The following SH3GL3 variants were observed in gnomAD, a reference collection of about 807,000 sequenced individuals.
SH3GL3 encodes the protein endophilin-A3.
Under a neutral mutation model 47.7 loss-of-function variants are expected in SH3GL3, and 33 were observed. The observed-to-expected ratio is 0.69, with a 90% CI of 0.52 to 0.92. SH3GL3 has a LOEUF of 0.92. Ranked by LOEUF, SH3GL3 falls within the 40% of genes least tolerant of loss-of-function variation. The pLI is 0.00. For synonymous variants in SH3GL3, 155 were observed against 148.8 expected, an observed-to-expected ratio of 1.04 and a Z score of -0.30; for missense variants, 363 against 417.8, an observed-to-expected ratio of 0.87 and a Z score of 1.14.
intron 1 of SH3GL3, among the ~76,000 whole-genome samples, chr15:83,504,545 G>A (rs1333981022): frequency 6.6e-6 from 1 of 152,236 alleles, no homozygotes; most frequent in Non-Finnish European, 1.5e-5. Flanking sequence ...GGGGAAGCCA[G>A]TTGCCATGTC....
At chr15:83,616,251 C>CTT (rs10661412) in intron 8 of SH3GL3, among the ~76,000 whole-genome samples, 18,575 of 114,070 alleles carry the variant, frequency 0.16, 2,517 homozygotes, top group East Asian at 0.27. Context: ...ATTGTGATTG[C>CTT]TTTTTTTTTT....
At chr15:83,572,745 G>A (rs1173641413) in intron 5 of SH3GL3, 47 bp downstream of exon 5, 42 of 1,396,692 alleles carry the variant, frequency 3.0e-5, no homozygotes, top group Non-Finnish European at 4.2e-5. Context: ...ATAAGATGAT[G>A]TTTATATTTA....
intron 1 of SH3GL3, among the ~76,000 whole-genome samples, chr15:83,525,105 AT>A (rs2043359192): frequency 6.6e-6 from 1 of 152,146 alleles, no homozygotes; most frequent in Admixed American, 6.5e-5. Context: ...TAATGGCTGT[AT>A]TAATTTACAT....
Position 83,569,213 on chromosome 15 carries a change from T to A in SH3GL3, c.331+541T>A, listed in dbSNP as rs116719929. 1.7e-3 allele frequency among the ~76,000 whole-genome samples: 264 copies of A among 152,352 alleles called. 1 individual carries two copies. Among genetic ancestry groups the A allele is most frequent in the African/African-American group, 6.2e-3 (257 of 41,576 alleles). On this transcript the variant is annotated intron_variant, in intron 4 of 8. Coordinates refer to ENST00000427482, the MANE Select transcript of SH3GL3 (RefSeq NM_003027.5). ...CACTTGGCTTGTTGTGTATCTTTTA[T>A]GCCTTGTTTATTCTTATATGTATTC...
At chr15:83,607,135 T>C (rs1366849880) in intron 8 of SH3GL3, among the ~76,000 whole-genome samples, 2 of 152,194 alleles carry the variant, frequency 1.3e-5, no homozygotes, top group African/African-American at 4.8e-5. Context: ...TCTAACTTAG[T>C]TGTGGGAATT....
At chr15:83,569,949 G>A (rs1261507575) in intron 4 of SH3GL3, among the ~76,000 whole-genome samples, 1 of 152,120 alleles carries the variant, frequency 6.6e-6, no homozygotes, top group Non-Finnish European at 1.5e-5. Flanking sequence ...TCCCAGGTAA[G>A]CATTTGCCTT....
At chr15:83,610,715 C>T (rs2060637427) in intron 8 of SH3GL3, among the ~76,000 whole-genome samples, 1 of 152,080 alleles carries the variant, frequency 6.6e-6, no homozygotes, top group Non-Finnish European at 1.5e-5. Context: ...TCAATTTCTC[C>T]ATCCCTCACA....
intron 1 of SH3GL3, among the ~76,000 whole-genome samples, chr15:83,450,766 T>C (rs1413766508): frequency 7.1e-6 from 1 of 140,154 alleles, no homozygotes; most frequent in African/African-American, 2.6e-5. Context: ...TTTCTTTTTT[T>C]TTTTTTTTAA....
chr15:83,618,026 C>A, intron 8 of SH3GL3, 56 bp from the exon 9 acceptor site: 1 of 1,193,940 alleles, frequency 8.4e-7, no homozygotes, highest in South Asian at 1.2e-5. Flanking sequence ...TTCCAATTTC[C>A]CATGGATAAT....
At chr15:83,560,649 TAA>T (rs2045219510) in intron 2 of SH3GL3, among the ~76,000 whole-genome samples, 1 of 152,168 alleles carries the variant, frequency 6.6e-6, no homozygotes, top group Non-Finnish European at 1.5e-5. Context: ...AGAAGAAATA[TAA>T]AGTCTATTAT....
intron 1 of SH3GL3, among the ~76,000 whole-genome samples, chr15:83,544,554 AGTCT>A (rs779045516): frequency 1.1e-4 from 16 of 152,132 alleles, no homozygotes; most frequent in Admixed American, 2.6e-4. Context: ...GTGTTATTAT[AGTCT>A]GTATTTGTCT....
intron 1 of SH3GL3, among the ~76,000 whole-genome samples, chr15:83,489,835 G>A (rs2041783513): frequency 7.3e-6 from 1 of 137,452 alleles, no homozygotes; most frequent in South Asian, 2.4e-4. Context: ...ATTGTCAGAA[G>A]CCGATAGATA....
chr15:83,481,864 A>C (rs577958563), intron 1 of SH3GL3, among the ~76,000 whole-genome samples: 1 of 152,206 alleles, frequency 6.6e-6, no homozygotes, highest in Non-Finnish European at 1.5e-5. Context: ...TTGAAAGGCA[A>C]ATATTACAAA....
chr15:83,462,351 C>G (rs1299384069), intron 1 of SH3GL3, among the ~76,000 whole-genome samples: 1 of 152,232 alleles, frequency 6.6e-6, no homozygotes, highest in African/African-American at 2.4e-5. Context: ...TAAAATTTCA[C>G]AATCAGTAAC....
intron 1 of SH3GL3, among the ~76,000 whole-genome samples, chr15:83,495,451 T>G (rs1232010235): frequency 6.6e-6 from 1 of 152,108 alleles, no homozygotes; most frequent in African/African-American, 2.4e-5. Flanking sequence ...AAGTAGCTAA[T>G]AGGCCAGATG....
intron 1 of SH3GL3, among the ~76,000 whole-genome samples, chr15:83,507,905 A>G (rs936996816): frequency 3.3e-4 from 50 of 152,206 alleles, no homozygotes; most frequent in African/African-American, 1.2e-3. Flanking sequence ...GAGGTGGGAT[A>G]TGGGATCCAG....
At chr15:83,560,500 T>A (rs1331276420) in intron 2 of SH3GL3, among the ~76,000 whole-genome samples, 1 of 152,254 alleles carries the variant, frequency 6.6e-6, no homozygotes, top group Non-Finnish European at 1.5e-5. Context: ...AAATAGGTGA[T>A]GTATAGCTTT....
intron 1 of SH3GL3, among the ~76,000 whole-genome samples, chr15:83,479,500 A>G (rs1453349059): frequency 6.6e-6 from 1 of 151,984 alleles, no homozygotes; most frequent in Non-Finnish European, 1.5e-5. Context: ...TTCCTAGGGA[A>G]CTCTCACAGA....
At chr15:83,485,797 G>A (rs1036967771) in intron 1 of SH3GL3, among the ~76,000 whole-genome samples, 14 of 151,982 alleles carry the variant, frequency 9.2e-5, no homozygotes, top group African/African-American at 1.9e-4. Flanking sequence ...ATGCCTGGCC[G>A]GAAGTTTACT....
Sources: allele counts gnomAD v4.1 joint callset (sites outside exome capture counted in the v4.1 genomes callset), GRCh38; gene constraint gnomAD v4.1.1; transcripts MANE v1.5; gene names NCBI Gene and HGNC (gene_info 2026-07-23, HGNC 2026-07-21).